Variants in ANO3 observed in about 807,000 individuals in gnomAD.
ANO3 encodes the protein anoctamin 3.
A neutral mutation model predicts 144.8 loss-of-function variants in ANO3; 99 were observed. The ratio of observed to expected loss-of-function variants is 0.68; its 90% CI spans 0.58 to 0.81. The LOEUF is 0.81. Ranked by LOEUF, ANO3 falls within the 30% of genes least tolerant of loss-of-function variation. ANO3 has a pLI of 0.00. For synonymous variants in ANO3, 414 were observed against 392.6 expected (o/e 1.05, Z -0.64); for missense variants, 905 against 1,202.2 (o/e 0.75, Z 3.66).
At chr11:26,615,373 A>T (rs1852222312) in intron 17 of ANO3, among the ~76,000 whole-genome samples, 1 of 146,232 alleles carries the variant, frequency 6.8e-6, no homozygotes, top group African/African-American at 2.5e-5. Context: ...CTTTCGCAAT[A>T]CTGTCTAAGC....
At position 26,643,279 on chromosome 11, in the gene ANO3, A is replaced by C. The variant is rs141587028; in HGVS notation, c.2373A>C (p.Ala791=). ...ATATCATTGAAATCAGGCTGGATGC[A>C]TACAAATTTGTCACTCAATGGCGGA... ...LNNIIEIRLD[A]YKFVTQWRRP... Residue 791 remains alanine (A), a synonymous_variant, in exon 23 of 27, where the codon GCA becomes GCC. Coordinates refer to ENST00000256737, the MANE Select transcript of ANO3 (RefSeq NM_031418.4). 6.2e-7 allele frequency: 1 copy of C among 1,614,170 alleles called. No individual in the cohort carries two copies. Among genetic ancestry groups the C allele is most frequent in the South Asian group, 1.1e-5 (1 of 91,090 alleles).
At chr11:26,366,354 A>G (rs1209635559) in intron 1 of ANO3, among the ~76,000 whole-genome samples, 1 of 152,128 alleles carries the variant, frequency 6.6e-6, no homozygotes, top group Non-Finnish European at 1.5e-5. Context: ...ATAGTATTCC[A>G]TGGTGTATAT....
intron 1 of ANO3, among the ~76,000 whole-genome samples, chr11:26,326,973 CA>C (rs781585760): frequency 6.6e-6 from 1 of 152,152 alleles, no homozygotes; most frequent in Non-Finnish European, 1.5e-5. Flanking sequence ...GTTGTCAAAC[CA>C]GTACAGCAAG....
At position 26,539,150 on chromosome 11, in the gene ANO3, A is replaced by G. The variant is rs574577929; in HGVS notation, c.1032+1689A>G. ...AAGAGAAATACACACACACACACACACACACACACACACACACACACACAA... is the reference window on the plus strand; with the variant it reads ...AAGAGAAATACACACACACACACACGCACACACACACACACACACACACAA... On this transcript the variant is annotated intron_variant, in intron 10 of 26. Coordinates refer to ENST00000256737, the MANE Select transcript of ANO3 (RefSeq NM_031418.4). Among the ~76,000 whole-genome samples, 5 of 151,594 alleles carry G rather than the reference A, an allele frequency of 3.3e-5. No individual in the cohort carries two copies. In the East Asian group the frequency reaches 9.7e-4, roughly 30 times the overall value.
intron 1 of ANO3, among the ~76,000 whole-genome samples, chr11:26,237,968 G>A (rs749975140): frequency 6.6e-6 from 1 of 151,938 alleles, no homozygotes; most frequent in Non-Finnish European, 1.5e-5. Context: ...CTTGTATCTG[G>A]GTCTGGAAGA....
intron 1 of ANO3, among the ~76,000 whole-genome samples, chr11:26,404,869 C>T (rs1857235813): frequency 6.6e-6 from 1 of 150,976 alleles, no homozygotes; most frequent in South Asian, 2.1e-4. Context: ...TTCAAGATTA[C>T]ATTACTAAAT....
At chr11:26,588,577 T>G (rs1851354743) in intron 14 of ANO3, among the ~76,000 whole-genome samples, 1 of 152,216 alleles carries the variant, frequency 6.6e-6, no homozygotes, top group Admixed American at 6.5e-5. Flanking sequence ...TTTTTTATAT[T>G]TTGTGAAAGA....
chr11:26,561,012 A>G (rs973462485), intron 14 of ANO3: 1 of 1,520,980 alleles, frequency 6.6e-7, no homozygotes, highest in South Asian at 1.3e-5. Flanking sequence ...GAATTTGTCA[A>G]AAGGCTAGGA....
At chr11:26,454,373 A>C (rs1859066790) in intron 3 of ANO3, among the ~76,000 whole-genome samples, 1 of 151,978 alleles carries the variant, frequency 6.6e-6, no homozygotes, top group Admixed American at 6.6e-5. Context: ...AAATAGACGC[A>C]ATAAAAAATG....
At chr11:26,393,961 T>G (rs572160666) in intron 1 of ANO3, among the ~76,000 whole-genome samples, 4 of 152,328 alleles carry the variant, frequency 2.6e-5, no homozygotes, top group East Asian at 1.9e-4. Flanking sequence ...CATATTCGGT[T>G]GGTTTGCAAA....
At chr11:26,647,669 C>T (rs975385341) in intron 23 of ANO3, 40 bp from the exon 24 acceptor site, 1 of 1,557,948 alleles carries the variant, frequency 6.4e-7, no homozygotes, top group Non-Finnish European at 8.7e-7. Flanking sequence ...TTTTCATATT[C>T]TTCATTTTTG....
In ANO3 at chr11:26,281,171, G is replaced by A. The variant is rs560744844; in HGVS notation, c.155-28474G>A. 3.7e-3 allele frequency among the ~76,000 whole-genome samples: 568 copies of A among 152,200 alleles called. 2 individuals are homozygous for A. The highest frequency in any genetic ancestry group is 0.013 in the African/African-American group (539 of 41,538). ...TTGCAGATGAAGAAATAAAGATATA[G>A]AAAGGCTAAGTAATTTGTCCAAGAT... is the stretch of plus-strand genomic sequence containing the variant. On this transcript the variant is annotated intron_variant, in intron 1 of 27. Coordinates refer to the ANO3 transcript ENST00000672621.
intron 14 of ANO3, among the ~76,000 whole-genome samples, chr11:26,569,603 C>G (rs1565114099): frequency 1.3e-5 from 2 of 152,090 alleles, no homozygotes; most frequent in South Asian, 2.1e-4. Flanking sequence ...CTCATGCCAA[C>G]TGAACAAAGC....
chr11:26,528,016 T>C (rs1345893514), intron 7 of ANO3, among the ~76,000 whole-genome samples: 1 of 152,158 alleles, frequency 6.6e-6, no homozygotes, highest in Non-Finnish European at 1.5e-5. Flanking sequence ...TAGGTTTTCC[T>C]GGATTGTAGC....
At chr11:26,572,632 A>G (rs1850872561) in intron 14 of ANO3, among the ~76,000 whole-genome samples, 2 of 152,160 alleles carry the variant, frequency 1.3e-5, no homozygotes, top group Admixed American at 1.3e-4. Flanking sequence ...GAGAAAATGT[A>G]GTGGGGTCAG....
intron 10 of ANO3, among the ~76,000 whole-genome samples, chr11:26,540,489 A>G (rs1230102657): frequency 1.3e-5 from 2 of 152,194 alleles, no homozygotes; most frequent in Non-Finnish European, 2.9e-5. Flanking sequence ...TCTTCACAGC[A>G]AAAGAAACTA....
intron 14 of ANO3, among the ~76,000 whole-genome samples, chr11:26,586,480 G>A (rs1326268613): frequency 8.6e-6 from 1 of 116,596 alleles, no homozygotes; most frequent in African/African-American, 3.2e-5. Flanking sequence ...AACAGATAAA[G>A]AAGGGGCTTC....
intron 1 of ANO3, among the ~76,000 whole-genome samples, chr11:26,412,795 A>AGTGT (rs60855252): frequency 0.065 from 9,098 of 140,150 alleles, 433 homozygotes; most frequent in African/African-American, 0.13. Flanking sequence ...GAGAAAGGAA[A>AGTGT]GTGTGTGTGT....
chr11:26,257,634 G>A (rs951779884), intron 1 of ANO3, among the ~76,000 whole-genome samples: 19 of 152,074 alleles, frequency 1.2e-4, no homozygotes, highest in African/African-American at 4.6e-4. Flanking sequence ...AATGCAAGCT[G>A]CTAGGCCCAC....
Sources: allele counts gnomAD v4.1 joint callset (sites outside exome capture counted in the v4.1 genomes callset), GRCh38; gene constraint gnomAD v4.1.1; transcripts MANE v1.5; gene names NCBI Gene and HGNC (gene_info 2026-07-23, HGNC 2026-07-21).